The following ERN1 variants were observed in gnomAD, a reference collection of about 807,000 sequenced individuals.
The protein encoded by ERN1 is endoplasmic reticulum to nucleus signaling 1.
ERN1 carries 39 observed loss-of-function variants against 113.1 expected under a neutral mutation model. The ratio of observed to expected loss-of-function variants is 0.34; its 90% CI spans 0.27 to 0.45. ERN1 has a LOEUF of 0.45. Ranked by LOEUF, ERN1 falls within the 20% of genes least tolerant of loss-of-function variation. The probability of loss-of-function intolerance (pLI) is 1.00; values close to 1 mark genes in which losing one functional copy is unlikely to be tolerated. For synonymous variants in ERN1, 507 were observed against 515.9 expected, an observed-to-expected ratio of 0.98 and a Z score of 0.23; for missense variants, 976 against 1,274.8, an observed-to-expected ratio of 0.77 and a Z score of 3.57.
chr17:64,076,604 CTTTT>C (rs5821421), intron 4 of ERN1, among the ~76,000 whole-genome samples: 2 of 141,068 alleles, frequency 1.4e-5, no homozygotes, highest in Admixed American at 7.1e-5. Flanking sequence ...AGGGCATCCT[CTTTT>C]TTTTTTTTTT....
chr17:64,079,252 C>T (rs892430479), intron 4 of ERN1, among the ~76,000 whole-genome samples: 1 of 152,132 alleles, frequency 6.6e-6, no homozygotes, highest in Admixed American at 6.5e-5. Flanking sequence ...GGTTTAGATT[C>T]TCAAATGGAA....
At chr17:64,085,270 G>A (rs1913889427) in intron 2 of ERN1, among the ~76,000 whole-genome samples, 1 of 152,202 alleles carries the variant, frequency 6.6e-6, no homozygotes, top group South Asian at 2.1e-4. Flanking sequence ...GGCTGTACAA[G>A]AAGCATGGCA....
chr17:64,122,286 G>A (rs1914974568), intron 1 of ERN1, among the ~76,000 whole-genome samples: 1 of 152,204 alleles, frequency 6.6e-6, no homozygotes, highest in South Asian at 2.1e-4. Context: ...CAGCTTGGGA[G>A]AGGAGGGTAA....
At chr17:64,084,128 C>T (rs894617772) in intron 2 of ERN1, among the ~76,000 whole-genome samples, 2 of 152,070 alleles carry the variant, frequency 1.3e-5, no homozygotes, top group Non-Finnish European at 2.9e-5. Context: ...CACTACTTCC[C>T]ACCAACGCCT....
chr17:64,055,019 C>T (rs1912813035), intron 13 of ERN1, among the ~76,000 whole-genome samples, 191 bp from the exon 14 acceptor site: 6 of 152,222 alleles, frequency 3.9e-5, no homozygotes, highest in Admixed American at 3.9e-4. Context: ...CCTCTTCCCC[C>T]TGCCCCTGCA....
intron 1 of ERN1, among the ~76,000 whole-genome samples, chr17:64,116,253 T>A (rs913312731): frequency 6.6e-6 from 1 of 152,150 alleles, no homozygotes; most frequent in Admixed American, 6.5e-5. Flanking sequence ...ACAAATCAGA[T>A]AAGTGATTGA....
chr17:64,126,204 T>A (rs1915077278), intron 1 of ERN1, among the ~76,000 whole-genome samples: 1 of 152,236 alleles, frequency 6.6e-6, no homozygotes, highest in Admixed American at 6.5e-5. Context: ...ACAAGCCCAG[T>A]TATTTGTGCA....
intron 16 of ERN1, 54 bp from the exon 17 acceptor site, chr17:64,053,033 C>CCTA (rs2143333127): frequency 6.9e-7 from 1 of 1,440,430 alleles, no homozygotes. Flanking sequence ...CCCCAGGCCT[C>CCTA]CTCCAATGGG....
At position 64,049,344 on chromosome 17, in the gene ERN1, G is replaced by T; in HGVS notation, c.2254-142C>A. The T allele has an allele frequency of 1.2e-6, 1 of 842,264 alleles. No homozygotes were observed. The highest frequency in any genetic ancestry group is 1.7e-6 in the Non-Finnish European group (1 of 586,086). 52.2% of individuals were successfully genotyped at this position (842,264 alleles called of 1,614,324 possible). ...TCAGCTGACATATGTGAGCTGCACA[G>T]AGCAGCGAGGGCTAACCTGCAGCAC... On this transcript the variant is annotated intron_variant, in intron 17 of 21. Transcript: ENST00000433197. This position sits in a 1 kb window ranked among gnomAD's most constrained non-coding sequence, Gnocchi z 4.7.
intron 1 of ERN1, among the ~76,000 whole-genome samples, chr17:64,126,302 C>A (rs1395877291): frequency 6.6e-6 from 1 of 152,142 alleles, no homozygotes; most frequent in Admixed American, 6.5e-5. Flanking sequence ...ATAAAACCTA[C>A]AAAATATTGA....
At chr17:64,051,288 C>T (rs1912675949) in intron 17 of ERN1, among the ~76,000 whole-genome samples, 1 of 152,124 alleles carries the variant, frequency 6.6e-6, no homozygotes, top group African/African-American at 2.4e-5. Context: ...CATGCTAAAC[C>T]ACTGGGTGAG....
Position 64,072,024 on chromosome 17 carries a change from A to G in ERN1, c.435T>C (p.Asp145=). The G allele has an allele frequency of 6.3e-7, 1 of 1,598,644 alleles. No individual in the cohort carries two copies. The highest frequency in any genetic ancestry group is 8.5e-7 in the Non-Finnish European group (1 of 1,172,112). Residue 145 remains aspartate (D), a synonymous_variant, in exon 6 of 22, where the codon GAT becomes GAC. Transcript: ENST00000433197. ...GAAGAGAGGTTGATGGGCAGAGACT[A>G]TCTGCAAAGGCCGATGACAAAGTCT... is the stretch of plus-strand genomic sequence containing the variant. ...KQQTLSSAFA[D]SLCPSTSLLY...
rs113446786 is a variant in ERN1 at position 64,079,692 on chromosome 17, C to T, written c.252G>A (p.Thr84=). Residue 84 remains threonine, a synonymous_variant, in exon 4 of 22, where the codon ACG becomes ACA. Transcript: ENST00000433197. ...GGCCTTCATTATTCTTGCTTCCAAG[C>T]GTATACAGGCTGCCATCATTAGGAT... The part of the protein sequence containing the change: ...LPDPNDGSLY[T]LGSKNNEGLT... 5.0e-4 allele frequency: 812 copies of T among 1,613,766 alleles called. 5 individuals carry two copies. In the African/African-American group the frequency reaches 9.3e-3, roughly 19 times the overall value.
intron 2 of ERN1, among the ~76,000 whole-genome samples, chr17:64,094,995 T>C (rs1390986607): frequency 2.6e-5 from 4 of 152,220 alleles, no homozygotes; most frequent in Admixed American, 1.3e-4. Flanking sequence ...TCTTCAGTTA[T>C]AACCACAAGA....
rs547388611 is a variant in ERN1, at chr17:64,097,960, G to A, written c.175+161C>T. ...GGATAACCACAGCAAAGCTATAAAC[G>A]TCCTTTGAGCAGAATGCCTTTTCCT... On this transcript the variant is annotated intron_variant, in intron 2 of 21. Coordinates refer to ENST00000433197, the MANE Select transcript of ERN1 (RefSeq NM_001433.5). The A allele has an allele frequency of 1.9e-5, 16 of 861,368 alleles. No homozygotes were observed. In the Admixed American group the frequency reaches 2.2e-4, roughly 12 times the overall value. The allele number at this position is 861,368 out of a possible 1,614,324, so 53.4% of individuals were successfully genotyped here.
At chr17:64,076,978 C>T (rs994731493) in intron 4 of ERN1, among the ~76,000 whole-genome samples, 14 of 152,180 alleles carry the variant, frequency 9.2e-5, no homozygotes, top group African/African-American at 2.2e-4. Flanking sequence ...ACCTCTAAAA[C>T]GGGGATATCA....
intron 1 of ERN1, chr17:64,102,567 A>G (rs1186647506): frequency 1.3e-6 from 1 of 796,610 alleles, no homozygotes; most frequent in African/African-American, 1.9e-5. Context: ...CATTTTTAAA[A>G]GCATGAACAT....
intron 2 of ERN1, among the ~76,000 whole-genome samples, chr17:64,093,541 A>G (rs144877800): frequency 4.9e-4 from 75 of 152,252 alleles, no homozygotes; most frequent in African/African-American, 1.8e-3. Context: ...GAAGTCTGAG[A>G]TTGGTTTCTG....
chr17:64,070,042 A>C (rs1329818018), intron 6 of ERN1, among the ~76,000 whole-genome samples: 1 of 152,134 alleles, frequency 6.6e-6, no homozygotes, highest in Non-Finnish European at 1.5e-5. Context: ...GCTGGCCTTG[A>C]GACTTGCTTT....
Sources: allele counts gnomAD v4.1 joint callset (sites outside exome capture counted in the v4.1 genomes callset), GRCh38; gene constraint gnomAD v4.1.1; non-coding constraint Gnocchi (gnomAD v3.1); transcripts MANE v1.5; gene names NCBI Gene and HGNC (gene_info 2026-07-23, HGNC 2026-07-21).